The following HIVEP1 variants were observed in gnomAD, a reference collection of about 807,000 sequenced individuals.
HIVEP1 encodes the protein HIVEP zinc finger 1.
In HIVEP1, 36 loss-of-function variants were observed where a neutral mutation model predicts 180.0. The ratio of observed to expected loss-of-function variants is 0.20; its 90% CI spans 0.15 to 0.26. The LOEUF (loss-of-function observed/expected upper bound fraction) is 0.26, where lower values mean the gene tolerates loss of function less well. Ranked by LOEUF, HIVEP1 falls within the 10% of genes least tolerant of loss-of-function variation. The pLI, the probability that HIVEP1 is intolerant of heterozygous loss-of-function variation, is 1.00. For missense variants in HIVEP1, 3,143 were observed against 3,268.7 expected (o/e 0.96, Z 0.94); for synonymous variants, 1,239 against 1,239.0 (o/e 1.00, Z 0.00).
rs776321808 is a variant in HIVEP1 at position 12,121,850 on chromosome 6, A to G, written c.2055A>G (p.Thr685=). The G allele has an allele frequency of 1.1e-5, 17 of 1,614,222 alleles. No individual in the cohort carries two copies. The highest frequency in any genetic ancestry group is 1.4e-5 in the Non-Finnish European group (17 of 1,180,036). ...YFSRSESADQ[T]VSPPTPFARR... ...CACGTTCTGAAAGTGCCGATCAAAC[A>G]GTGAGTCCACCAACTCCCTTTGCCA... The change falls in exon 4 of 9, where the codon ACA becomes ACG. Residue 685 remains threonine (T), a synonymous_variant. Coordinates refer to ENST00000379388, the MANE Select transcript of HIVEP1 (RefSeq NM_002114.4). This position sits in a 1 kb window ranked among gnomAD's most constrained non-coding sequence, Gnocchi z 5.3.
At chr6:12,051,001 CATATATATATATATATAT>C (rs1161977899) in intron 2 of HIVEP1, among the ~76,000 whole-genome samples, 24 of 77,634 alleles carry the variant, frequency 3.1e-4, no homozygotes, top group African/African-American at 3.9e-4. Flanking sequence ...TACACAAGTG[CATATATATATATATATAT>C]ATATATATAT....
rs563520519 is a variant in HIVEP1, at chr6:12,164,284, G to C, written c.7980G>C (p.Thr2660=). Residue 2660 remains threonine (T), a synonymous_variant, in exon 9 of 9, where the codon ACG becomes ACC. Transcript: ENST00000379388. ...CCATACAGGGCCAACCAGCGTCCAC[G>C]TCACAACCTCTGCTGAAGGCACATT... is the stretch of plus-strand genomic sequence containing the variant. ...LTSIQGQPAS[T]SQPLLKAHSE... 1 of 1,614,044 alleles carries C rather than the reference G, an allele frequency of 6.2e-7. No homozygotes were observed. The highest frequency in any genetic ancestry group is 8.5e-7 in the Non-Finnish European group (1 of 1,180,022).
chr6:12,011,245 C>G (rs1444991038), upstream of HIVEP1, among the ~76,000 whole-genome samples: 2 of 149,292 alleles, frequency 1.3e-5, no homozygotes, highest in South Asian at 2.1e-4. Context: ...TCCTTCTACG[C>G]GTTGCTGAGG....
intron 7 of HIVEP1, among the ~76,000 whole-genome samples, chr6:12,145,618 C>T (rs1265316610): frequency 1.3e-5 from 2 of 151,494 alleles, no homozygotes. Context: ...TGGGGCCTTC[C>T]TGAATATAAA....
intron 2 of HIVEP1, among the ~76,000 whole-genome samples, chr6:12,050,202 C>G (rs906130679): frequency 6.6e-6 from 1 of 152,214 alleles, no homozygotes; most frequent in Non-Finnish European, 1.5e-5. Flanking sequence ...TGGGACTGTT[C>G]CACATGCTCT....
At chr6:12,086,003 T>G (rs971193063) in intron 2 of HIVEP1, among the ~76,000 whole-genome samples, 3 of 152,186 alleles carry the variant, frequency 2.0e-5, no homozygotes, top group African/African-American at 7.2e-5. Context: ...TTGCATCATT[T>G]TCTTACACAA....
rs759880305 is a variant in HIVEP1, at chr6:12,089,218, G to A, written c.75G>A (p.Gly25=). 2 of 1,565,244 alleles carry A rather than the reference G, an allele frequency of 1.3e-6. No homozygotes were observed. Among genetic ancestry groups the A allele is most frequent in the African/African-American group, 1.4e-5 (1 of 73,664 alleles). ...AAGAAGCACAAAAAGAACTTAATGGGGCAGAAGTTTCAAAAAAAGGTAAAT... is the reference window on the plus strand; with the variant it reads ...AAGAAGCACAAAAAGAACTTAATGGAGCAGAAGTTTCAAAAAAAGGTAAAT... ...KIEEAQKELN[G]AEVSKKEILQ... is the part of the protein sequence containing the mutation. Residue 25 remains glycine (G), a synonymous_variant, in exon 3 of 9, where the codon GGG becomes GGA. Coordinates refer to ENST00000379388, the MANE Select transcript of HIVEP1 (RefSeq NM_002114.4).
chr6:12,097,055 T>C (rs1033700683), intron 3 of HIVEP1, among the ~76,000 whole-genome samples: 4 of 152,078 alleles, frequency 2.6e-5, no homozygotes, highest in African/African-American at 9.6e-5. Context: ...GATGTCTGAA[T>C]GGAATTCTGT....
At chr6:12,170,281 G>A in the HIVEP1 span, among the ~76,000 whole-genome samples, 1 of 151,910 alleles carries the variant, frequency 6.6e-6, no homozygotes. Context: ...TGCGAATGAA[G>A]GAGAATTCCT....
intron 3 of HIVEP1, among the ~76,000 whole-genome samples, chr6:12,119,502 A>G (rs1775429663): frequency 6.6e-6 from 1 of 152,242 alleles, no homozygotes; most frequent in South Asian, 2.1e-4. Context: ...CTTTATCTGC[A>G]GTGCTGTAAG....
chr6:12,122,243 T>C lies in HIVEP1; in HGVS notation c.2448T>C (p.Pro816=). The C allele has an allele frequency of 6.2e-7, 1 of 1,614,198 alleles. No individual in the cohort carries two copies. Among genetic ancestry groups the C allele is most frequent in the Non-Finnish European group, 8.5e-7 (1 of 1,180,016 alleles). ...ATATACCGAAGTCACCTTTCACCCC[T>C]ACTGAAAAATCAAAGCAAGTGTTTC... The part of the protein sequence containing the change: ...SSDIPKSPFT[P]TEKSKQVFLL... The change falls in exon 4 of 9, where the codon CCT becomes CCC. Residue 816 remains proline (P), a synonymous_variant. Transcript: ENST00000379388.
intron 4 of HIVEP1, chr6:12,129,474 A>C: frequency 2.3e-6 from 1 of 433,776 alleles, no homozygotes; most frequent in Non-Finnish European, 4.3e-6. Flanking sequence ...GTTTCTGTTA[A>C]ACTTAAGAAA....
At chr6:12,178,385 T>C in the HIVEP1 span, among the ~76,000 whole-genome samples, 1 of 152,130 alleles carries the variant, frequency 6.6e-6, no homozygotes, top group South Asian at 2.1e-4. Context: ...GGCCAGGAGT[T>C]TGAGACCAGC....
At chr6:12,197,884 G>A in the HIVEP1 span, among the ~76,000 whole-genome samples, 1 of 152,216 alleles carries the variant, frequency 6.6e-6, no homozygotes, top group Non-Finnish European at 1.5e-5. Context: ...GGGTTTGAAA[G>A]CTATTTAGGA....
chr6:12,135,076 G>C (rs1170403180), intron 6 of HIVEP1, among the ~76,000 whole-genome samples: 1 of 152,232 alleles, frequency 6.6e-6, no homozygotes, highest in East Asian at 1.9e-4. Flanking sequence ...ATCGAGGCCA[G>C]ATATATGCCT....
At chr6:12,086,819 G>A (rs963008184) in intron 2 of HIVEP1, among the ~76,000 whole-genome samples, 2 of 151,970 alleles carry the variant, frequency 1.3e-5, no homozygotes, top group East Asian at 1.9e-4. Context: ...TCTCTGTCAC[G>A]GTGAAAAAAT....
chr6:12,179,849 ATACT>A, the HIVEP1 span, among the ~76,000 whole-genome samples: 160 of 152,238 alleles, frequency 1.1e-3, no homozygotes, highest in Non-Finnish European at 2.0e-3. Flanking sequence ...TTTATTATTT[ATACT>A]TACTTATTTA....
intron 2 of HIVEP1, among the ~76,000 whole-genome samples, chr6:12,016,937 AC>A (rs1279405098): frequency 5.3e-5 from 8 of 152,090 alleles, no homozygotes; most frequent in Non-Finnish European, 1.0e-4. Flanking sequence ...CAGGGAGGGC[AC>A]CCTGTTCTAG....
intron 7 of HIVEP1, among the ~76,000 whole-genome samples, chr6:12,139,281 T>A (rs1304512627): frequency 2.6e-5 from 4 of 152,096 alleles, no homozygotes; most frequent in Non-Finnish European, 5.9e-5. Flanking sequence ...GTCTCCTGCC[T>A]CTTTCTTGAA....
Sources: allele counts gnomAD v4.1 joint callset (sites outside exome capture counted in the v4.1 genomes callset), GRCh38; gene constraint gnomAD v4.1.1; non-coding constraint Gnocchi (gnomAD v3.1); transcripts MANE v1.5; gene names NCBI Gene and HGNC (gene_info 2026-07-23, HGNC 2026-07-21).